RNPC3: variants seen among roughly 807,000 people sequenced by gnomAD.
RNPC3 encodes the protein RNA binding region (RNP1, RRM) containing 3.
In RNPC3, 48 loss-of-function variants were observed where a neutral mutation model predicts 67.5. The observed-to-expected ratio is 0.71, with a 90% CI of 0.56 to 0.90. The LOEUF (loss-of-function observed/expected upper bound fraction) is 0.90, where lower values mean the gene tolerates loss of function less well. RNPC3 is among the 40% of genes least tolerant of loss of function. The probability of loss-of-function intolerance (pLI) is 0.00; values close to 1 mark genes in which losing one functional copy is unlikely to be tolerated. For synonymous variants in RNPC3, 239 were observed against 210.3 expected, an observed-to-expected ratio of 1.14 and a Z score of -1.18; for missense variants, 637 against 626.1, an observed-to-expected ratio of 1.02 and a Z score of -0.19.
intron 9 of RNPC3, 117 bp downstream of exon 9, chr1:103,543,564 G>T (rs1218882872): frequency 1.4e-5 from 10 of 740,026 alleles, no homozygotes; most frequent in Non-Finnish European, 2.0e-5. Context: ...TATGCAATTA[G>T]TGTTTCCCAA....
At chr1:103,534,332 T>A (rs61716055) in intron 3 of RNPC3, among the ~76,000 whole-genome samples, 1 of 151,978 alleles carries the variant, frequency 6.6e-6, no homozygotes. Flanking sequence ...TAACCCAGTC[T>A]TACTGAATCA....
intron 14 of RNPC3, chr1:103,554,717 A>C (rs1651490683): frequency 6.6e-6 from 1 of 152,574 alleles, no homozygotes; most frequent in Non-Finnish European, 1.5e-5. Context: ...AAAGGGTTGG[A>C]GCCTCTGTGT....
intron 14 of RNPC3, 97 bp downstream of exon 14, chr1:103,551,889 T>TC: frequency 1.6e-6 from 1 of 623,810 alleles, no homozygotes; most frequent in Non-Finnish European, 2.6e-6. Flanking sequence ...GTATCTCTTT[T>TC]TTTTTTTTTT....
chr1:103,544,947 C>A lies in RNPC3; in HGVS notation c.1052C>A (p.Pro351His). 1 of 1,519,796 alleles carries A rather than the reference C, an allele frequency of 6.6e-7. No homozygotes were observed. The highest frequency in any genetic ancestry group is 8.8e-7 in the Non-Finnish European group (1 of 1,138,572). 94.1% of individuals were successfully genotyped at this position (1,519,796 alleles called of 1,614,324 possible). Residue 351 changes from proline (P) to histidine (H), a missense_variant, in exon 10 of 15, where the codon CCT becomes CAT. By Grantham distance (77) the Pro-to-His change is moderately conservative (BLOSUM62 -2). Around this residue, in one of 3 missense-constraint regions of RNPC3, gnomAD observed 536 missense variants for 500.3 expected, o/e 1.07. Coordinates refer to ENST00000423855, the MANE Select transcript of RNPC3 (RefSeq NM_017619.4). The stretch of plus-strand genomic sequence containing the variant: ...GTTAATATTGAACTCTTAGATTTAC[C>A]TGCTACTGAAGTTGATGCATCCAAT... The part of the protein sequence containing the change: ...QNCEEKNHDL[P>H]ATEVDASNIG...
Position 103,537,323 on chromosome 1 carries a change from G to T in RNPC3, c.625-19G>T, listed in dbSNP as rs1272177302. The T allele has an allele frequency of 1.3e-6, 2 of 1,505,070 alleles. No individual in the cohort carries two copies. Among genetic ancestry groups the T allele is most frequent in the Admixed American group, 2.1e-5 (1 of 46,800 alleles). The allele number at this position is 1,505,070 out of a possible 1,614,324, so 93.2% of individuals were successfully genotyped here. A position where few individuals can be genotyped will look rare whatever the true frequency, so the allele number is the denominator to read the frequency against. ...TATTTTGGACTGCCATAGTATTTTTGTTTTATTCTTTTAATTAGTATGAAG... is the reference window on the plus strand; with the variant it reads ...TATTTTGGACTGCCATAGTATTTTTTTTTTATTCTTTTAATTAGTATGAAG... On this transcript the variant is annotated intron_variant, in intron 6 of 14. Coordinates refer to ENST00000423855, the MANE Select transcript of RNPC3 (RefSeq NM_017619.4).
At chr1:103,531,410 T>C (rs1650854613) in intron 2 of RNPC3, among the ~76,000 whole-genome samples, 1 of 152,198 alleles carries the variant, frequency 6.6e-6, no homozygotes, top group Non-Finnish European at 1.5e-5. Context: ...TTTTAGTTCT[T>C]TAAGGAATCT....
At position 103,543,427 on chromosome 1, in the gene RNPC3, ATTGTGAGG is replaced by A; in HGVS notation, c.1026_1033del (p.Asn342LysfsTer5). The A allele has an allele frequency of 6.6e-7, 1 of 1,510,310 alleles. No individual in the cohort carries two copies. The highest frequency in any genetic ancestry group is 2.2e-5 in the Admixed American group (1 of 45,584). 93.6% of individuals were successfully genotyped at this position (1,510,310 alleles called of 1,614,324 possible). A position where few individuals can be genotyped will look rare whatever the true frequency, so the allele number is the denominator to read the frequency against. ...AAGAAAGATTTAGAAAAGGAACAAA[ATTGTGAGG>A]AAAAAAATCATGGTAAGGATATTCT... On this transcript the variant is annotated frameshift_variant, in exon 9 of 15. Coordinates refer to ENST00000423855, the MANE Select transcript of RNPC3 (RefSeq NM_017619.4). LOFTEE classifies it high-confidence loss of function.
chr1:103,544,225 T>C (rs944498507), intron 9 of RNPC3, among the ~76,000 whole-genome samples: 3 of 151,812 alleles, frequency 2.0e-5, no homozygotes, highest in African/African-American at 7.2e-5. Context: ...TGTATATGTA[T>C]GAACACATTT....
chr1:103,537,403 A>T lies in RNPC3; in HGVS notation c.686A>T (p.Glu229Val). The change falls in exon 7 of 15, where the codon GAA becomes GTA. Residue 229 changes from glutamate to valine, a missense_variant. By Grantham distance (121) the Glu-to-Val change is moderately radical. This residue lies in a region of RNPC3 where 536 missense variants were observed against 500.3 expected (regional missense o/e 1.07). Coordinates refer to ENST00000423855, the MANE Select transcript of RNPC3 (RefSeq NM_017619.4). ...LPPTSPQPPEEPPLPDEDEEL... is the reference protein window; with the variant it reads ...LPPTSPQPPEVPPLPDEDEEL... ...CCCACATCTCCTCAGCCACCTGAGG[A>T]ACCTCCTTTGCCAGACGAGGATGAG... 6.5e-7 allele frequency: 1 copy of T among 1,536,244 alleles called. No individual in the cohort carries two copies. Among genetic ancestry groups the T allele is most frequent in the Non-Finnish European group, 8.7e-7 (1 of 1,146,342 alleles).
intron 13 of RNPC3, 134 bp from the exon 14 acceptor site, chr1:103,551,587 C>A (rs1235096260): frequency 8.9e-6 from 5 of 558,770 alleles, no homozygotes; most frequent in Admixed American, 7.6e-5. Context: ...CCTCTCAAGT[C>A]ATGAAGAGAG....
chr1:103,535,557 T>C (rs1650963887), intron 5 of RNPC3, 116 bp downstream of exon 5: 3 of 594,192 alleles, frequency 5.0e-6, no homozygotes, highest in African/African-American at 1.9e-5. Context: ...TGATACAGTA[T>C]TTTAAATGTA....
chr1:103,531,065 A>AAAG (rs1313858959), intron 2 of RNPC3, among the ~76,000 whole-genome samples: 1 of 152,188 alleles, frequency 6.6e-6, no homozygotes, highest in African/African-American at 2.4e-5. Flanking sequence ...CTCATAGCTT[A>AAAG]GCTCCTACTT....
intron 9 of RNPC3, among the ~76,000 whole-genome samples, chr1:103,544,726 T>C (rs913736202): frequency 6.6e-6 from 1 of 151,762 alleles, no homozygotes; most frequent in African/African-American, 2.4e-5. Flanking sequence ...ATTTTTCTTA[T>C]CTCATGGCTA....
chr1:103,531,743 T>C (rs1190358466), intron 2 of RNPC3, among the ~76,000 whole-genome samples: 2 of 152,180 alleles, frequency 1.3e-5, no homozygotes, highest in Non-Finnish European at 2.9e-5. Context: ...AGTGGTTTTT[T>C]TGGATGTATA....
intron 2 of RNPC3, 77 bp downstream of exon 2, chr1:103,527,819 TG>T: frequency 9.2e-7 from 1 of 1,092,476 alleles, no homozygotes; most frequent in South Asian, 1.5e-5. Context: ...TGTTTAACTG[TG>T]GTTTTTAAGA....
chr1:103,543,436 A>G lies in RNPC3; in HGVS notation c.1034A>G (p.Glu345Gly). The G allele has an allele frequency of 2.0e-6, 3 of 1,505,544 alleles. No homozygotes were observed. The highest frequency in any genetic ancestry group is 1.8e-6 in the Non-Finnish European group (2 of 1,133,332). 93.3% of individuals were successfully genotyped at this position (1,505,544 alleles called of 1,614,324 possible). Residue 345 changes from glutamate to glycine, a missense_variant, in exon 9 of 15, where the codon GAA (glutamate) becomes GGA (glycine). Around this residue, in one of 3 missense-constraint regions of RNPC3, gnomAD observed 536 missense variants for 500.3 expected, o/e 1.07. Transcript: ENST00000423855. ...KDLEKEQNCE[E>G]KNHDLPATEV... is the part of the protein sequence containing the mutation. ...TTAGAAAAGGAACAAAATTGTGAGG[A>G]AAAAAATCATGGTAAGGATATTCTA...
intron 12 of RNPC3, among the ~76,000 whole-genome samples, chr1:103,549,826 G>A (rs1651341683): frequency 6.6e-6 from 1 of 152,018 alleles, no homozygotes; most frequent in Admixed American, 6.6e-5. Flanking sequence ...TAATCATTGA[G>A]GTTCCTTTCT....
intron 2 of RNPC3, 46 bp downstream of exon 2, chr1:103,527,788 A>T (rs1284132026): frequency 1.6e-5 from 22 of 1,348,678 alleles, no homozygotes; most frequent in Non-Finnish European, 2.3e-5. Flanking sequence ...GGATCCTCTT[A>T]TACAATCTTG....
rs1650919860 is a variant in RNPC3 at position 103,533,780 on chromosome 1, T to A, written c.282T>A (p.Thr94=). Residue 94 remains threonine, a synonymous_variant, in exon 3 of 15, where the codon ACT becomes ACA. Transcript: ENST00000423855. ...ATCAACTGAAACTTTTAGGTCATACTTTAGTCGTTGAATTTGCAAAAGAGC... is the reference window on the plus strand; with the variant it reads ...ATCAACTGAAACTTTTAGGTCATACATTAGTCGTTGAATTTGCAAAAGAGC... The part of the protein sequence containing the change: ...RLHQLKLLGH[T]LVVEFAKEQD... 6.5e-7 allele frequency: 1 copy of A among 1,535,220 alleles called. No homozygotes were observed. The highest frequency in any genetic ancestry group is 8.7e-7 in the Non-Finnish European group (1 of 1,145,524).
Sources: gnomAD v4.1 joint callset for allele counts (sites outside exome capture counted in the v4.1 genomes callset) on GRCh38, gnomAD v4.1.1 for gene constraint, gnomAD v4.1.1 regional missense constraint, MANE v1.5 for transcripts, NCBI Gene and HGNC (gene_info 2026-07-23, HGNC 2026-07-21) for gene names.